Variants in AVEN observed in about 807,000 individuals in gnomAD.
AVEN encodes apoptosis and caspase activation inhibitor, also known as cell death regulator Aven.
In AVEN, 41 loss-of-function variants were observed where a neutral mutation model predicts 38.1. The observed-to-expected ratio is 1.08, with a 90% CI of 0.84 to 1.40. The LOEUF (loss-of-function observed/expected upper bound fraction) is 1.40. AVEN is among the 40% of genes most tolerant of loss of function. The probability of loss-of-function intolerance (pLI) is 0.00; values close to 1 mark genes in which losing one functional copy is unlikely to be tolerated. For missense variants in AVEN, 605 were observed against 438.8 expected, an observed-to-expected ratio of 1.38 and a Z score of -3.38; for synonymous variants, 206 against 171.8, an observed-to-expected ratio of 1.20 and a Z score of -1.56.
intron 2 of AVEN, among the ~76,000 whole-genome samples, chr15:33,962,758 C>A (rs1895237287): frequency 6.6e-6 from 1 of 151,950 alleles, no homozygotes; most frequent in South Asian, 2.1e-4. Context: ...CATGTTCCCA[C>A]TAAAATGTGT....
chr15:33,945,301 T>C (rs1289873765), intron 2 of AVEN, among the ~76,000 whole-genome samples: 4 of 152,170 alleles, frequency 2.6e-5, no homozygotes, highest in African/African-American at 9.7e-5. Flanking sequence ...TCTGGTAAAA[T>C]GGGCATTATG....
intron 2 of AVEN, chr15:34,067,570 G>T (rs549468270): frequency 6.6e-6 from 1 of 152,342 alleles, no homozygotes; most frequent in Non-Finnish European, 1.5e-5. Context: ...TTTCAAGAAA[G>T]TTGGGATTGA....
intron 2 of AVEN, among the ~76,000 whole-genome samples, chr15:33,964,762 G>A (rs1335368591): frequency 6.6e-6 from 1 of 152,118 alleles, no homozygotes; most frequent in African/African-American, 2.4e-5. Context: ...ATAGAAACAA[G>A]AAGAACACAT....
intron 1 of AVEN, among the ~76,000 whole-genome samples, chr15:34,026,203 G>C (rs781013937): frequency 6.6e-6 from 1 of 151,666 alleles, no homozygotes; most frequent in Non-Finnish European, 1.5e-5. Flanking sequence ...TTACTTAAAA[G>C]TCTTATGACA....
intron 2 of AVEN, among the ~76,000 whole-genome samples, chr15:33,974,040 A>G (rs1895762840): frequency 1.3e-5 from 2 of 152,206 alleles, no homozygotes; most frequent in Admixed American, 1.3e-4. Flanking sequence ...TCTGTTAGGG[A>G]TAGTATATGA....
chr15:33,855,579 T>C (rs185367890), downstream of AVEN, among the ~76,000 whole-genome samples: 4 of 151,538 alleles, frequency 2.6e-5, no homozygotes, highest in East Asian at 7.8e-4. Context: ...AGACATACTG[T>C]ACACAGAAAA....
intron 2 of AVEN, among the ~76,000 whole-genome samples, chr15:33,987,955 CA>C (rs1896549129): frequency 6.6e-6 from 1 of 152,188 alleles, no homozygotes; most frequent in Non-Finnish European, 1.5e-5. Flanking sequence ...ACTGTCTACA[CA>C]AGGAGGTGAA....
intron 5 of AVEN, among the ~76,000 whole-genome samples, chr15:34,053,313 A>AT (rs1480493613): frequency 2.3e-4 from 22 of 94,604 alleles, no homozygotes; most frequent in African/African-American, 3.5e-4. Flanking sequence ...AAAAAAAAAA[A>AT]AAAAAAATAT....
intron 2 of AVEN, among the ~76,000 whole-genome samples, chr15:33,903,215 G>A (rs960137156): frequency 6.6e-6 from 1 of 152,196 alleles, no homozygotes; most frequent in Non-Finnish European, 1.5e-5. Context: ...TCCATTCTTA[G>A]TATTATGTGG....
intron 2 of AVEN, among the ~76,000 whole-genome samples, chr15:33,902,771 C>G (rs897129746): frequency 3.9e-5 from 6 of 152,176 alleles, no homozygotes; most frequent in Middle Eastern, 6.8e-3. Flanking sequence ...ATAAAACAGC[C>G]TAGTTGAAAA....
chr15:33,967,532 G>GT (rs2140485915), intron 2 of AVEN, among the ~76,000 whole-genome samples: 1 of 152,044 alleles, frequency 6.6e-6, no homozygotes, highest in Non-Finnish European at 1.5e-5. Flanking sequence ...TTGGTAATGA[G>GT]TTTCTGGAGG....
At chr15:34,073,519 CTTTTT>C (rs10617421) in intron 1 of AVEN, among the ~76,000 whole-genome samples, 1 of 88,514 alleles carries the variant, frequency 1.1e-5, no homozygotes. Context: ...TTTCTTTTTT[CTTTTT>C]TTTTTTTTTT....
At chr15:33,937,699 C>T (rs563521224) in intron 2 of AVEN, among the ~76,000 whole-genome samples, 1 of 151,850 alleles carries the variant, frequency 6.6e-6, no homozygotes, top group Non-Finnish European at 1.5e-5. Context: ...GATTAATGGC[C>T]TTATAAGAAA....
intron 2 of AVEN, among the ~76,000 whole-genome samples, chr15:34,068,452 C>G (rs1256161772): frequency 6.6e-6 from 1 of 152,036 alleles, no homozygotes; most frequent in Non-Finnish European, 1.5e-5. Flanking sequence ...GGCAATCCAC[C>G]CGATTTGGCC....
intron 2 of AVEN, among the ~76,000 whole-genome samples, chr15:33,927,518 A>C (rs933799789): frequency 6.6e-6 from 1 of 152,094 alleles, no homozygotes; most frequent in Non-Finnish European, 1.5e-5. Context: ...TGATGTTCTG[A>C]TATTTCTCTA....
upstream of AVEN, among the ~76,000 whole-genome samples, chr15:34,039,859 T>C (rs2684942): frequency 0.99 from 151,121 of 152,324 alleles, 74,975 homozygotes; most frequent in South Asian, 1. Context: ...CTAAAGTGAA[T>C]AACTAGGTAG....
At chr15:34,022,262 A>G (rs1898234808) in intron 1 of AVEN, among the ~76,000 whole-genome samples, 1 of 152,236 alleles carries the variant, frequency 6.6e-6, no homozygotes, top group Admixed American at 6.5e-5. Flanking sequence ...ATGGAGAAAT[A>G]AGAAAACATT....
At chr15:33,945,762 A>ATT (rs1894485156) in intron 2 of AVEN, among the ~76,000 whole-genome samples, 1 of 151,624 alleles carries the variant, frequency 6.6e-6, no homozygotes, top group Admixed American at 6.6e-5. Context: ...ATTTTTTTGT[A>ATT]TTTTCGTAGA....
intron 5 of AVEN, among the ~76,000 whole-genome samples, chr15:33,867,169 T>G (rs951891181): frequency 2.0e-5 from 3 of 152,124 alleles, no homozygotes; most frequent in Non-Finnish European, 2.9e-5. Flanking sequence ...GGCCTGTCAG[T>G]CGATTAAAAG....
Sources: allele counts gnomAD v4.1 joint callset (sites outside exome capture counted in the v4.1 genomes callset), GRCh38; gene constraint gnomAD v4.1.1; transcripts MANE v1.5; gene names NCBI Gene and HGNC (gene_info 2026-07-23, HGNC 2026-07-21).